CHN2: variants seen among roughly 807,000 people sequenced by gnomAD.
CHN2 encodes chimerin 2.
CHN2 carries 35 observed loss-of-function variants against 56.3 expected under a neutral mutation model. That is an observed-to-expected ratio of 0.62 (90% CI 0.47 to 0.82). The LOEUF is 0.82. Ranked by LOEUF, CHN2 falls within the 40% of genes least tolerant of loss-of-function variation. CHN2 has a pLI of 0.00. For missense variants in CHN2, 491 were observed against 580.5 expected (o/e 0.85, Z 1.58); for synonymous variants, 210 against 212.8 (o/e 0.99, Z 0.12).
intron 2 of CHN2, among the ~76,000 whole-genome samples, chr7:29,174,182 C>T (rs1796968857): frequency 6.6e-6 from 1 of 152,066 alleles, no homozygotes; most frequent in Non-Finnish European, 1.5e-5. Flanking sequence ...TGCCCCCACA[C>T]CTTGATGCTC....
At chr7:29,251,302 A>C (rs1365769945) in intron 1 of CHN2, among the ~76,000 whole-genome samples, 3 of 151,944 alleles carry the variant, frequency 2.0e-5, no homozygotes, top group Non-Finnish European at 4.4e-5. Flanking sequence ...GAAAATACAA[A>C]AGTTAGCTGG....
At chr7:29,262,379 A>C (rs528666552) in intron 1 of CHN2, among the ~76,000 whole-genome samples, 2 of 152,338 alleles carry the variant, frequency 1.3e-5, no homozygotes, top group East Asian at 1.9e-4. Context: ...TGTCACTTAC[A>C]AAAGTAACCC....
At chr7:29,494,387 A>G (rs1789009645) in intron 7 of CHN2, among the ~76,000 whole-genome samples, 1 of 152,158 alleles carries the variant, frequency 6.6e-6, no homozygotes. Context: ...TTCTAGTAAA[A>G]TATTAAGAAA....
intron 1 of CHN2, among the ~76,000 whole-genome samples, chr7:29,320,927 A>C (rs1278949341): frequency 6.6e-6 from 1 of 152,190 alleles, no homozygotes; most frequent in Non-Finnish European, 1.5e-5. Context: ...CAGGCACCAG[A>C]ATCTGAATCA....
intron 9 of CHN2, among the ~76,000 whole-genome samples, chr7:29,501,971 G>C (rs1446019043): frequency 1.3e-5 from 2 of 152,116 alleles, no homozygotes; most frequent in South Asian, 4.1e-4. Flanking sequence ...TCTATAATAT[G>C]AATGGAATCA....
intron 6 of CHN2, among the ~76,000 whole-genome samples, chr7:29,477,240 T>C (rs1786679467): frequency 6.6e-6 from 1 of 152,220 alleles, no homozygotes. Flanking sequence ...CCTAAGGGAA[T>C]AGTGTTGGTT....
intron 3 of CHN2, among the ~76,000 whole-genome samples, chr7:29,389,597 A>G (rs1260943509): frequency 6.6e-6 from 1 of 152,160 alleles, no homozygotes; most frequent in Non-Finnish European, 1.5e-5. Context: ...CTTTAAGGAT[A>G]TTCACAAGAA....
chr7:29,472,648 A>G (rs578040023), intron 6 of CHN2, among the ~76,000 whole-genome samples: 2 of 152,292 alleles, frequency 1.3e-5, no homozygotes, highest in East Asian at 3.9e-4. Flanking sequence ...ATGGAAGGAA[A>G]GGAAGACAGA....
chr7:29,324,712 G>T (rs1313149751), intron 1 of CHN2, among the ~76,000 whole-genome samples: 1 of 150,682 alleles, frequency 6.6e-6, no homozygotes, highest in African/African-American at 2.4e-5. Context: ...TCCACATTTT[G>T]CTGTCTAATA....
chr7:29,401,210 G>A (rs1476459805), intron 6 of CHN2: 1 of 196,940 alleles, frequency 5.1e-6, no homozygotes, highest in Admixed American at 5.4e-5. Flanking sequence ...GGAGCTTGCA[G>A]TGAGCCAAGA....
intron 1 of CHN2, among the ~76,000 whole-genome samples, chr7:29,252,220 G>A (rs1788610128): frequency 9.5e-6 from 1 of 105,402 alleles, no homozygotes; most frequent in South Asian, 2.8e-4. Flanking sequence ...AGACAGTCTT[G>A]CTCTGTTGCC....
At chr7:29,282,903 T>C (rs1791834554) in intron 1 of CHN2, among the ~76,000 whole-genome samples, 1 of 151,856 alleles carries the variant, frequency 6.6e-6, no homozygotes, top group Non-Finnish European at 1.5e-5. Flanking sequence ...ATGAAAAAGA[T>C]TGGAGAAGAA....
intron 2 of CHN2, among the ~76,000 whole-genome samples, chr7:29,174,189 G>T (rs1258020602): frequency 1.3e-5 from 2 of 152,042 alleles, no homozygotes; most frequent in Admixed American, 1.3e-4. Context: ...ACACCTTGAT[G>T]CTCCTCTCAT....
At chr7:29,278,001 T>G (rs539474926) in intron 1 of CHN2, among the ~76,000 whole-genome samples, 1 of 152,258 alleles carries the variant, frequency 6.6e-6, no homozygotes, top group East Asian at 1.9e-4. Flanking sequence ...TGCAGTCATA[T>G]AGCGAGTATG....
intron 1 of CHN2, among the ~76,000 whole-genome samples, chr7:29,326,431 C>T (rs1413388685): frequency 2.0e-5 from 3 of 152,200 alleles, no homozygotes; most frequent in African/African-American, 7.2e-5. Context: ...GTTGGGATTA[C>T]AGGTGTCAGC....
chr7:29,195,887 A>C (rs1358853459), intron 1 of CHN2, among the ~76,000 whole-genome samples: 1 of 152,156 alleles, frequency 6.6e-6, no homozygotes, highest in Admixed American at 6.5e-5. Flanking sequence ...CAGGTTTCTA[A>C]TCAGAATGAT....
At chr7:29,147,051 T>C in intron 2 of CHN2, 1 of 1,503,950 alleles carries the variant, frequency 6.6e-7, no homozygotes, top group Non-Finnish European at 8.9e-7. Flanking sequence ...TTCTGTACCA[T>C]TATACCCATT....
Position 29,322,181 on chromosome 7 carries a change from G to A in CHN2, c.50-32444G>A, listed in dbSNP as rs10238171. On this transcript the variant is annotated intron_variant, in intron 1 of 12. Coordinates refer to ENST00000222792, the MANE Select transcript of CHN2 (RefSeq NM_004067.4). ...AGTCACCACTCCTAGGGGCCAAATG[G>A]CTTTTCTCACATCGTTTCCTAAAGG... 8.8e-3 allele frequency among the ~76,000 whole-genome samples: 1,342 copies of A among 152,306 alleles called. 17 individuals are homozygous for A. Among genetic ancestry groups the A allele is most frequent in the African/African-American group, 0.03 (1,249 of 41,570 alleles).
At chr7:29,203,159 G>A (rs1017219987) in intron 1 of CHN2, among the ~76,000 whole-genome samples, 3 of 152,184 alleles carry the variant, frequency 2.0e-5, no homozygotes, top group African/African-American at 7.2e-5. Context: ...TTGAATATAT[G>A]TTTAGGTGAT....
Sources: gnomAD v4.1 joint callset for allele counts (sites outside exome capture counted in the v4.1 genomes callset) on GRCh38, gnomAD v4.1.1 for gene constraint, MANE v1.5 for transcripts, NCBI Gene and HGNC (gene_info 2026-07-23, HGNC 2026-07-21) for gene names.